The following FMN1 variants were observed in gnomAD, a reference collection of about 807,000 sequenced individuals.
FMN1 encodes the protein formin-1.
FMN1 carries 110 observed loss-of-function variants against 132.4 expected under a neutral mutation model. That is an observed-to-expected ratio of 0.83 (90% CI 0.71 to 0.97). The LOEUF is 0.97. Ranked by LOEUF, FMN1 falls within the 50% of genes least tolerant of loss-of-function variation. The pLI is 0.00. For synonymous variants in FMN1, 722 were observed against 651.7 expected (o/e 1.11, Z -1.64); for missense variants, 1,792 against 1,705.3 (o/e 1.05, Z -0.90).
At chr15:33,174,565 C>A (rs1231897665) in intron 3 of FMN1, among the ~76,000 whole-genome samples, 1 of 152,178 alleles carries the variant, frequency 6.6e-6, no homozygotes, top group African/African-American at 2.4e-5. Context: ...GTTTCAAATA[C>A]AAAGTAGACC....
intron 5 of FMN1, among the ~76,000 whole-genome samples, chr15:33,068,468 T>C (rs529483849): frequency 6.6e-6 from 1 of 152,236 alleles, no homozygotes; most frequent in East Asian, 1.9e-4. Context: ...TCATCTGGAT[T>C]ATGATCAGAG....
rs142618713 is a variant in FMN1, at chr15:32,832,734, C to T, written c.3928+24281G>A. ...TGGAGGTTGCAGTGAGCTGAGATCG[C>T]GCCACTGCACTCCAGCCAGCAGAAG... On this transcript the variant is annotated intron_variant, in intron 17 of 20. Transcript: ENST00000616417. 8.5e-3 allele frequency among the ~76,000 whole-genome samples: 1,298 copies of T among 152,070 alleles called. 17 individuals are homozygous for T. The highest frequency in any genetic ancestry group is 0.03 in the African/African-American group (1,225 of 41,486).
intron 4 of FMN1, among the ~76,000 whole-genome samples, chr15:33,089,796 G>C (rs2141363580): frequency 6.6e-6 from 1 of 152,252 alleles, no homozygotes; most frequent in African/African-American, 2.4e-5. Context: ...CCACACTATG[G>C]CCTCTGCCTG....
In FMN1 at chr15:33,175,366, A is replaced by G. The variant is rs144023181; in HGVS notation, c.-132+4832T>C. Among the ~76,000 whole-genome samples, 368 of 152,178 alleles carry G rather than the reference A, an allele frequency of 2.4e-3. 3 individuals carry two copies. The highest frequency in any genetic ancestry group is 0.017 in the Middle Eastern group (5 of 294). On this transcript the variant is annotated intron_variant, in intron 3 of 20. Transcript: ENST00000616417. ...TTACAGGCGTAAGCCACCATGCCCA[A>G]CCTGAAGGAATTATTCTTTAAGAGC... is the stretch of plus-strand genomic sequence containing the variant.
intron 18 of FMN1, among the ~76,000 whole-genome samples, chr15:32,802,349 T>C (rs933105763): frequency 3.3e-5 from 5 of 152,238 alleles, no homozygotes; most frequent in Non-Finnish European, 5.9e-5. Context: ...CATCCACTTA[T>C]TGTCTTACAT....
At chr15:33,029,508 C>T (rs1229449756) in intron 6 of FMN1, among the ~76,000 whole-genome samples, 1 of 151,998 alleles carries the variant, frequency 6.6e-6, no homozygotes, top group Non-Finnish European at 1.5e-5. Flanking sequence ...TAACTAGAAA[C>T]CACAAATCCA....
At chr15:32,908,709 C>T (rs779987924) in intron 11 of FMN1, 131 bp from the exon 12 acceptor site, 17 of 614,314 alleles carry the variant, frequency 2.8e-5, no homozygotes, top group Admixed American at 5.8e-5. Context: ...CATCACCTGT[C>T]ACTTGTCAGA....
intron 16 of FMN1, among the ~76,000 whole-genome samples, chr15:32,865,164 G>A (rs1419466922): frequency 1.3e-5 from 2 of 152,150 alleles, no homozygotes; most frequent in African/African-American, 2.4e-5. Context: ...TCCTTTTGGA[G>A]TAATAAAAAT....
intron 5 of FMN1, chr15:33,066,618 C>T: frequency 6.2e-7 from 1 of 1,613,902 alleles, no homozygotes; most frequent in South Asian, 1.1e-5. Flanking sequence ...GCTTCCAGCT[C>T]AGAGGTGTCA....
In FMN1 at chr15:32,947,232, G is replaced by T. The variant is rs148933018; in HGVS notation, c.3138+16875C>A. Among the ~76,000 whole-genome samples the T allele has an allele frequency of 7.0e-3, 1,062 of 151,630 alleles. 8 individuals carry two copies. Among genetic ancestry groups the T allele is most frequent in the African/African-American group, 0.025 (1,025 of 41,398 alleles). On this transcript the variant is annotated intron_variant, in intron 9 of 20. Transcript: ENST00000616417. ...GGTAGGGATCCATTTTCCTTTTTTT[G>T]CCATATATATTCAATTTTTAAAATA...
At position 32,767,802 on chromosome 15, in the gene FMN1, G is replaced by A. The variant is rs1296933445; in HGVS notation, c.*6508C>T. 6.6e-6 allele frequency: 1 copy of A among 152,104 alleles called. No homozygotes were observed. The highest frequency in any genetic ancestry group is 1.5e-5 in the Non-Finnish European group (1 of 68,022). The allele number at this position is 152,104 out of a possible 1,614,324, so 9.4% of individuals were successfully genotyped here. A position where few individuals can be genotyped will look rare whatever the true frequency, so the allele number is the denominator to read the frequency against. On this transcript the variant is annotated 3_prime_UTR_variant, in exon 21 of 21. Transcript: ENST00000616417. Reference sequence around the variant, plus strand: ...TTAGGTAGATCCCCAAAACCTATTTGTGTCATTGCGAGCAAACAGAAGAAT... The same window carrying A: ...TTAGGTAGATCCCCAAAACCTATTTATGTCATTGCGAGCAAACAGAAGAAT...
At chr15:32,844,145 C>A (rs2058806455) in intron 17 of FMN1, among the ~76,000 whole-genome samples, 1 of 106,092 alleles carries the variant, frequency 9.4e-6, no homozygotes, top group African/African-American at 2.9e-5. Context: ...AAAGCAAATT[C>A]TCATTATTCT....
intron 10 of FMN1, among the ~76,000 whole-genome samples, chr15:32,912,409 T>G (rs2060583774): frequency 6.6e-6 from 1 of 152,194 alleles, no homozygotes. Context: ...TAAGTATTTG[T>G]TGGATGTGTA....
intron 4 of FMN1, among the ~76,000 whole-genome samples, chr15:33,142,566 A>G (rs1448932319): frequency 6.6e-6 from 1 of 152,200 alleles, no homozygotes; most frequent in Non-Finnish European, 1.5e-5. Context: ...AACCCATCCC[A>G]TAACCCATCT....
Position 32,899,741 on chromosome 15 carries a change from C to A in FMN1, c.3654+238G>T, listed in dbSNP as rs544864566. The A allele has an allele frequency of 7.6e-5, 42 of 552,728 alleles. 1 individual carries two copies. In the South Asian group the frequency reaches 9.1e-4, roughly 12 times the overall value. 34.2% of individuals were successfully genotyped at this position (552,728 alleles called of 1,614,324 possible). A position where few individuals can be genotyped will look rare whatever the true frequency, so the allele number is the denominator to read the frequency against. On this transcript the variant is annotated intron_variant, in intron 14 of 20. Coordinates refer to ENST00000616417, the MANE Select transcript of FMN1 (RefSeq NM_001277313.2). ...CAATACCTGATTGTGTATGTCAGAGCACACGAAGATGGGAATTGAGTAATT... is the reference window on the plus strand; with the variant it reads ...CAATACCTGATTGTGTATGTCAGAGAACACGAAGATGGGAATTGAGTAATT...
chr15:32,994,623 C>A (rs193289774), intron 7 of FMN1, among the ~76,000 whole-genome samples: 1 of 152,282 alleles, frequency 6.6e-6, no homozygotes, highest in East Asian at 1.9e-4. Flanking sequence ...TATTATCTGT[C>A]CTGCTCCCTC....
At chr15:33,078,656 AAC>A (rs2038321867) in intron 5 of FMN1, among the ~76,000 whole-genome samples, 2 of 151,918 alleles carry the variant, frequency 1.3e-5, no homozygotes, top group Non-Finnish European at 2.9e-5. Context: ...AAAAAAAAAA[AAC>A]AACTGGGCCA....
chr15:32,889,879 A>C (rs1190142495), intron 15 of FMN1, among the ~76,000 whole-genome samples: 1 of 152,150 alleles, frequency 6.6e-6, no homozygotes, highest in Non-Finnish European at 1.5e-5. Context: ...TCGCCCAAGA[A>C]ATATACACTG....
At chr15:33,156,103 G>T (rs958546154) in intron 3 of FMN1, among the ~76,000 whole-genome samples, 1 of 152,138 alleles carries the variant, frequency 6.6e-6, no homozygotes, top group African/African-American at 2.4e-5. Context: ...TATTTTGAGT[G>T]AAGGAAGAGA....
Sources: gnomAD v4.1 joint callset for allele counts (sites outside exome capture counted in the v4.1 genomes callset) on GRCh38, gnomAD v4.1.1 for gene constraint, MANE v1.5 for transcripts, NCBI Gene and HGNC (gene_info 2026-07-23, HGNC 2026-07-21) for gene names.